Variants in FBXL17 observed in about 807,000 individuals in gnomAD.
FBXL17 encodes F-box and leucine rich repeat protein 17.
In FBXL17, 22 loss-of-function variants were observed where a neutral mutation model predicts 66.2. The observed-to-expected ratio is 0.33, with a 90% CI of 0.24 to 0.47. The LOEUF (loss-of-function observed/expected upper bound fraction) is 0.47, where lower values mean the gene tolerates loss of function less well. Among genes scored for constraint, FBXL17 ranks in the 20% least tolerant of loss-of-function variants. The pLI is 1.00. For missense variants in FBXL17, 878 were observed against 948.2 expected, an observed-to-expected ratio of 0.93 and a Z score of 0.97; for synonymous variants, 474 against 400.5, an observed-to-expected ratio of 1.18 and a Z score of -2.19.
chr5:108,083,655 G>A (rs1748862176), intron 6 of FBXL17, among the ~76,000 whole-genome samples: 1 of 150,376 alleles, frequency 6.6e-6, no homozygotes, highest in South Asian at 2.1e-4. Context: ...CAATCCACCT[G>A]CCTTGGCCTC....
At chr5:108,363,299 C>T (rs1211827260) in intron 3 of FBXL17, among the ~76,000 whole-genome samples, 7 of 151,904 alleles carry the variant, frequency 4.6e-5, no homozygotes, top group Non-Finnish European at 1.5e-5. Flanking sequence ...TTCTACTATA[C>T]CCATAACACT....
intron 7 of FBXL17, among the ~76,000 whole-genome samples, chr5:107,942,082 G>A (rs1293613700): frequency 6.6e-6 from 1 of 152,150 alleles, no homozygotes; most frequent in African/African-American, 2.4e-5. Flanking sequence ...ATGTTCCCAT[G>A]TAGAGCTTCT....
intron 6 of FBXL17, among the ~76,000 whole-genome samples, chr5:108,084,523 A>G (rs1240812331): frequency 6.6e-6 from 1 of 152,252 alleles, no homozygotes. Flanking sequence ...TGCAAAATGC[A>G]AATCATGAAA....
chr5:108,297,393 T>C (rs1561513612), intron 4 of FBXL17, among the ~76,000 whole-genome samples: 1 of 151,744 alleles, frequency 6.6e-6, no homozygotes, highest in Admixed American at 6.6e-5. Context: ...CAATTGTTGC[T>C]GAATTTGCAA....
chr5:108,232,797 A>G (rs1446894251), intron 4 of FBXL17, among the ~76,000 whole-genome samples: 1 of 130,984 alleles, frequency 7.6e-6, no homozygotes, highest in African/African-American at 2.8e-5. Context: ...ATATATATAT[A>G]TATATATAAT....
intron 7 of FBXL17, 88 bp downstream of exon 7, chr5:108,020,837 T>C (rs1754570348): frequency 2.2e-6 from 2 of 921,928 alleles, no homozygotes; most frequent in Non-Finnish European, 3.5e-6. Context: ...GTCTCTATGA[T>C]ATAGTTCTTG....
chr5:108,082,473 T>C lies in FBXL17; in HGVS notation c.1746-61472A>G, dbSNP rs561023779. 2.0e-5 allele frequency among the ~76,000 whole-genome samples: 3 copies of C among 152,338 alleles called. No homozygotes were observed. The South Asian group carries it at 6.2e-4, about 32-fold the overall frequency. ...GCTCAATATATGTTTGTTATTGTCA[T>C]TGTTATTCTAAAAATTTCCAGTGAC... On this transcript the variant is annotated intron_variant, in intron 6 of 8. Coordinates refer to ENST00000542267, the MANE Select transcript of FBXL17 (RefSeq NM_001163315.3).
chr5:108,129,434 C>T (rs973415171), intron 6 of FBXL17, among the ~76,000 whole-genome samples: 3 of 152,012 alleles, frequency 2.0e-5, no homozygotes, highest in East Asian at 1.9e-4. Context: ...AGACAACCTA[C>T]CACTATCTGT....
At chr5:108,374,694 G>C (rs559885825) in intron 1 of FBXL17, among the ~76,000 whole-genome samples, 1 of 151,914 alleles carries the variant, frequency 6.6e-6, no homozygotes, top group African/African-American at 2.4e-5. Context: ...AAAGAAAAGA[G>C]AAGAGGAGAA....
chr5:108,104,506 A>C (rs1442972095), intron 6 of FBXL17, among the ~76,000 whole-genome samples: 1 of 152,252 alleles, frequency 6.6e-6, no homozygotes, highest in African/African-American at 2.4e-5. Context: ...AACAACACTT[A>C]TTGAGTACCT....
intron 5 of FBXL17, among the ~76,000 whole-genome samples, chr5:108,203,027 G>A (rs1753963111): frequency 6.6e-6 from 1 of 152,026 alleles, no homozygotes; most frequent in Non-Finnish European, 1.5e-5. Flanking sequence ...TTAACATTCA[G>A]CACTGACACT....
At chr5:107,862,822 C>T (rs1748163786) in intron 8 of FBXL17, among the ~76,000 whole-genome samples, 1 of 141,844 alleles carries the variant, frequency 7.1e-6, no homozygotes, top group South Asian at 2.1e-4. Context: ...CAACATCAAA[C>T]CCTTGCTGTT....
intron 7 of FBXL17, among the ~76,000 whole-genome samples, chr5:107,888,425 G>T (rs1244273648): frequency 6.6e-6 from 1 of 152,276 alleles, no homozygotes; most frequent in Admixed American, 6.5e-5. Flanking sequence ...ACACCTTGAT[G>T]AATTTTAGTA....
At chr5:108,375,231 C>T (rs963552600) in intron 1 of FBXL17, among the ~76,000 whole-genome samples, 2 of 152,014 alleles carry the variant, frequency 1.3e-5, no homozygotes, top group Non-Finnish European at 2.9e-5. Flanking sequence ...CGCCAGCATG[C>T]CTGTGCACCC....
intron 5 of FBXL17, among the ~76,000 whole-genome samples, chr5:108,212,478 T>C (rs1433055507): frequency 1.3e-5 from 2 of 152,188 alleles, no homozygotes; most frequent in Admixed American, 6.5e-5. Flanking sequence ...TTACCTACCT[T>C]TGCTCATTGA....
At chr5:107,955,458 T>A (rs1751632179) in intron 7 of FBXL17, among the ~76,000 whole-genome samples, 1 of 152,178 alleles carries the variant, frequency 6.6e-6, no homozygotes, top group Non-Finnish European at 1.5e-5. Context: ...TAATGTTGAT[T>A]TTGCAATCAC....
chr5:108,123,084 G>C (rs1296799430), intron 6 of FBXL17, among the ~76,000 whole-genome samples: 1 of 149,818 alleles, frequency 6.7e-6, no homozygotes, highest in Non-Finnish European at 1.5e-5. Flanking sequence ...CTCCATACTA[G>C]ATCTTTTAGG....
At chr5:107,996,974 T>C (rs975005996) in intron 7 of FBXL17, among the ~76,000 whole-genome samples, 1 of 152,158 alleles carries the variant, frequency 6.6e-6, no homozygotes, top group Non-Finnish European at 1.5e-5. Flanking sequence ...ATGTAAAATA[T>C]TAGAGGGAAG....
At chr5:107,875,490 C>T (rs1748593727) in intron 8 of FBXL17, among the ~76,000 whole-genome samples, 1 of 152,096 alleles carries the variant, frequency 6.6e-6, no homozygotes, top group South Asian at 2.1e-4. Flanking sequence ...TCAATTTTTC[C>T]TGAATATTTT....
Sources: gnomAD v4.1 joint callset for allele counts (sites outside exome capture counted in the v4.1 genomes callset) on GRCh38, gnomAD v4.1.1 for gene constraint, MANE v1.5 for transcripts, NCBI Gene and HGNC (gene_info 2026-07-23, HGNC 2026-07-21) for gene names.